PLTP: variants seen among roughly 807,000 people sequenced by gnomAD.
PLTP encodes the protein BPI fold containing family E.
In PLTP, 43 loss-of-function variants were observed where a neutral mutation model predicts 54.1. That is an observed-to-expected ratio of 0.79 (90% CI 0.62 to 1.02). PLTP has a LOEUF of 1.02. PLTP is among the 50% of genes least tolerant of loss of function. The pLI is 0.00. For synonymous variants in PLTP, 263 were observed against 264.6 expected, an observed-to-expected ratio of 0.99 and a Z score of 0.06; for missense variants, 604 against 645.9, an observed-to-expected ratio of 0.94 and a Z score of 0.70.
chr20:45,909,734 C>G, intron 4 of PLTP, 63 bp from the exon 5 acceptor site: 1 of 1,561,678 alleles, frequency 6.4e-7, no homozygotes, highest in South Asian at 1.1e-5. Flanking sequence ...TGCCCCCATG[C>G]ATCACCATAC....
Position 45,911,475 on chromosome 20 carries a change from G to A in PLTP, c.-11-12C>T, listed in dbSNP as rs1298321122. The A allele has an allele frequency of 1.2e-6, 2 of 1,600,722 alleles. No homozygotes were observed. The highest frequency in any genetic ancestry group is 2.7e-5 in the African/African-American group (2 of 74,944). Reference sequence around the variant, plus strand: ...CATGGCGAGCGGGCCTGGGGGTGGGGTGGGGTCGCAGGAGTTATCTGAGCC... The same window carrying A: ...CATGGCGAGCGGGCCTGGGGGTGGGATGGGGTCGCAGGAGTTATCTGAGCC... On this transcript the variant is annotated splice_polypyrimidine_tract_variant and intron_variant, in intron 1 of 15. Coordinates refer to ENST00000372431, the MANE Select transcript of PLTP (RefSeq NM_006227.4).
chr20:45,910,143 C>T, intron 3 of PLTP, 73 bp from the exon 4 acceptor site: 2 of 1,559,986 alleles, frequency 1.3e-6, no homozygotes, highest in Non-Finnish European at 1.8e-6. Flanking sequence ...AATTTGTCTG[C>T]TCCCCTTTCA....
At chr20:45,908,569 GCGGA>G (rs1014985033) in intron 5 of PLTP, among the ~76,000 whole-genome samples, 1 of 152,178 alleles carries the variant, frequency 6.6e-6, no homozygotes, top group African/African-American at 2.4e-5. Context: ...GTAGGCCGAG[GCGGA>G]CAGACCACCT....
At chr20:45,909,292 C>A (rs2083267787) in intron 5 of PLTP, among the ~76,000 whole-genome samples, 1 of 150,824 alleles carries the variant, frequency 6.6e-6, no homozygotes, top group South Asian at 2.1e-4. Flanking sequence ...CATATACCAA[C>A]ACAAATAATC....
chr20:45,909,734 C>T (rs2083272927), intron 4 of PLTP, 63 bp from the exon 5 acceptor site: 4 of 1,561,676 alleles, frequency 2.6e-6, no homozygotes, highest in East Asian at 2.2e-5. Context: ...TGCCCCCATG[C>T]ATCACCATAC....
chr20:45,901,671 G>A (rs192903612), intron 12 of PLTP, among the ~76,000 whole-genome samples: 136 of 152,198 alleles, frequency 8.9e-4, no homozygotes, highest in South Asian at 7.7e-3. Flanking sequence ...GGAGGCCGGG[G>A]CAGGTGAATC....
At position 45,907,676 on chromosome 20, in the gene PLTP, C is replaced by A; in HGVS notation, c.613+16G>T. 1.2e-6 allele frequency: 2 copies of A among 1,612,766 alleles called. No individual in the cohort carries two copies. The highest frequency in any genetic ancestry group is 1.7e-6 in the Non-Finnish European group (2 of 1,179,394). ...CATGACAGCTGCACACCCAGACTCA[C>A]CCGCCACCAACTCACCAGGCACGGT... On this transcript the variant is annotated intron_variant, in intron 7 of 15. Coordinates refer to ENST00000372431, the MANE Select transcript of PLTP (RefSeq NM_006227.4).
chr20:45,902,839 A>T (rs2083200124), intron 10 of PLTP, among the ~76,000 whole-genome samples: 1 of 152,212 alleles, frequency 6.6e-6, no homozygotes, highest in African/African-American at 2.4e-5. Flanking sequence ...ACATCTCAAT[A>T]TTCAGGTCTA....
At chr20:45,906,584 TAACTA>T (rs906723236) in intron 7 of PLTP, among the ~76,000 whole-genome samples, 2 of 151,952 alleles carry the variant, frequency 1.3e-5, no homozygotes, top group Admixed American at 6.6e-5. Flanking sequence ...TTCAAAAAAA[TAACTA>T]AACAAGATGG....
At chr20:45,911,122 C>T (rs747140537) in intron 3 of PLTP, 30 bp downstream of exon 3, 1 of 1,610,610 alleles carries the variant, frequency 6.2e-7, no homozygotes, top group Non-Finnish European at 8.5e-7. Context: ...AGGCCCCGCC[C>T]CGGATCGCGA....
chr20:45,905,122 G>T lies in PLTP; in HGVS notation c.706-4C>A. On this transcript the variant is annotated splice_polypyrimidine_tract_variant and splice_region_variant and intron_variant, in intron 8 of 15. Coordinates refer to ENST00000372431, the MANE Select transcript of PLTP (RefSeq NM_006227.4). ...CAGTCAGGGGGAAGAAGGCCCCCTG[G>T]GGTGGGGCATTCACAGTCAGGGTCA... is the stretch of plus-strand genomic sequence containing the variant. 1 of 1,613,374 alleles carries T rather than the reference G, an allele frequency of 6.2e-7. No individual in the cohort carries two copies.
intron 12 of PLTP, among the ~76,000 whole-genome samples, chr20:45,900,975 A>G (rs989259256): frequency 1.3e-5 from 2 of 152,186 alleles, no homozygotes; most frequent in African/African-American, 4.8e-5. Flanking sequence ...AGGTTAAGTA[A>G]TTTGCCTGAA....
intron 4 of PLTP, 107 bp downstream of exon 4, chr20:45,909,835 A>T (rs1568777751): frequency 1.3e-6 from 2 of 1,487,634 alleles, no homozygotes; most frequent in Non-Finnish European, 1.9e-6. Context: ...TGTTACACAG[A>T]TGAAGAAACG....
intron 10 of PLTP, 124 bp from the exon 11 acceptor site, chr20:45,902,728 A>G (rs945822724): frequency 9.9e-7 from 1 of 1,014,064 alleles, no homozygotes; most frequent in Admixed American, 2.8e-5. Context: ...GCAAATACAG[A>G]GGGAGCTCTG....
rs777547042 is a variant in PLTP at position 45,911,270 on chromosome 20, C to G, written c.101-19G>C. 2 of 1,613,750 alleles carry G rather than the reference C, an allele frequency of 1.2e-6. No homozygotes were observed. Among genetic ancestry groups the G allele is most frequent in the East Asian group, 2.2e-5 (1 of 44,870 alleles). ...TGCTTCACTGAAGCAGCAGAGAAACCCTTACTTAGCTCCCGTGCCCACTGT... is the reference window on the plus strand; with the variant it reads ...TGCTTCACTGAAGCAGCAGAGAAACGCTTACTTAGCTCCCGTGCCCACTGT... On this transcript the variant is annotated intron_variant, in intron 2 of 15. Transcript: ENST00000372431.
In PLTP at chr20:45,907,726, C is replaced by T. The variant is rs558168284; in HGVS notation, c.579G>A (p.Thr193=). The T allele has an allele frequency of 5.0e-6, 8 of 1,613,820 alleles. No individual in the cohort carries two copies. Among genetic ancestry groups the T allele is most frequent in the African/African-American group, 1.3e-5 (1 of 75,014 alleles). Residue 193 remains threonine (T), a synonymous_variant, in exon 7 of 16, where the codon ACG becomes ACA. Transcript: ENST00000372431. ...QICPVLYHAG[T]VLLNSLLDTV... ...TGTCCAGGAGGGAGTTGAGCAGGAC[C>T]GTCCCTGCGTGGTAGAGGACAGGGC... is the stretch of plus-strand genomic sequence containing the variant.
rs1266471722 is a variant in PLTP at position 45,907,882 on chromosome 20, T to C, written c.508A>G (p.Thr170Ala). 3.2e-6 allele frequency: 5 copies of C among 1,587,294 alleles called. No homozygotes were observed. The highest frequency in any genetic ancestry group is 4.3e-6 in the Non-Finnish European group (5 of 1,167,396). ...AAGCGCATCCCTGAGGTGATGAACG[T>C]GGAGAGAAAATCATACACCTTCCTG... ...TFKKVYDFLS[T>A]FITSGMRFLL... Residue 170 changes from threonine (T) to alanine (A), a missense_variant, in exon 6 of 16, where the codon ACG becomes GCG. By Grantham distance (58) the Thr-to-Ala change is moderately conservative. Coordinates refer to ENST00000372431, the MANE Select transcript of PLTP (RefSeq NM_006227.4).
chr20:45,903,516 C>G (rs1368819115), intron 10 of PLTP, among the ~76,000 whole-genome samples: 1 of 152,146 alleles, frequency 6.6e-6, no homozygotes, highest in African/African-American at 2.4e-5. Flanking sequence ...AGGCGTGAGC[C>G]ACCGTGCCTG....
Position 45,898,816 on chromosome 20 carries a change from T to C in PLTP, c.*125A>G. 8.8e-7 allele frequency: 1 copy of C among 1,130,276 alleles called. No homozygotes were observed. Among genetic ancestry groups the C allele is most frequent in the Non-Finnish European group, 1.2e-6 (1 of 800,044 alleles). 70.0% of individuals were successfully genotyped at this position (1,130,276 alleles called of 1,614,324 possible). On this transcript the variant is annotated 3_prime_UTR_variant, in exon 16 of 16. Transcript: ENST00000372431. The surrounding 1 kb of genome is among the most constrained non-coding windows in gnomAD (Gnocchi z 4.6). ...TTATGGAATTAAATTGGGTACAGCT[T>C]CAAATCCCGTCTTCTCTGTGGCACT...
Sources: gnomAD v4.1 joint callset for allele counts (sites outside exome capture counted in the v4.1 genomes callset) on GRCh38, gnomAD v4.1.1 for gene constraint, Gnocchi (gnomAD v3.1) non-coding constraint, MANE v1.5 for transcripts, NCBI Gene and HGNC (gene_info 2026-07-23, HGNC 2026-07-21) for gene names.